The following BRWD3 variants were observed in gnomAD, a reference collection of about 807,000 sequenced individuals.
BRWD3 encodes bromodomain and WD repeat domain containing 3.
A neutral mutation model predicts 149.7 loss-of-function variants in BRWD3; 10 were observed. That is an observed-to-expected ratio of 0.07 (90% CI 0.04 to 0.11). The LOEUF is 0.11. Among genes scored for constraint, BRWD3 ranks in the 10% least tolerant of loss-of-function variants. BRWD3 has a pLI of 1.00. For synonymous variants in BRWD3, 504 were observed against 456.7 expected (o/e 1.10, Z -1.32); for missense variants, 940 against 1,373.2 (o/e 0.68, Z 4.99).
Position 80,809,311 on chromosome X carries a change from AAG to A in BRWD3, c.32-9_32-8del. On this transcript the variant is annotated splice_region_variant and splice_polypyrimidine_tract_variant and intron_variant, in intron 1 of 40. Transcript: ENST00000373275. ...GCGATCAGGTAATACAGCTCTGGGGAAGAGGGGGGAAAAGAGGTTCAGAGGGA... is the reference window on the plus strand; with the variant it reads ...GCGATCAGGTAATACAGCTCTGGGGAAGGGGGGAAAAGAGGTTCAGAGGGA... The A allele has an allele frequency of 1.7e-6, 2 of 1,189,127 alleles. No individual in the cohort carries two copies.
intron 6 of BRWD3, among the ~76,000 whole-genome samples, chrX:80,786,529 T>A (rs752447196): frequency 9.1e-6 from 1 of 110,031 alleles, no homozygotes; most frequent in African/African-American, 3.3e-5. Context: ...TATATATATA[T>A]ATATGGAGTC....
chrX:80,788,210 T>C (rs1047905962), intron 6 of BRWD3, among the ~76,000 whole-genome samples: 3 of 110,461 alleles, frequency 2.7e-5, no homozygotes, highest in Non-Finnish European at 3.8e-5. Context: ...AGGCAGGTGA[T>C]TGCTTCAGCC....
At chrX:80,682,832 G>C (rs763255761) in intron 37 of BRWD3, among the ~76,000 whole-genome samples, 2 of 110,993 alleles carry the variant, frequency 1.8e-5, no homozygotes, top group East Asian at 5.7e-4. Context: ...CTAAAAGGTA[G>C]GGAAAAAAAG....
At chrX:80,759,094 T>C (rs1254076466) in intron 6 of BRWD3, among the ~76,000 whole-genome samples, 1 of 112,004 alleles carries the variant, frequency 8.9e-6, no homozygotes, top group Admixed American at 9.5e-5. Flanking sequence ...TGTATTATTT[T>C]CCTTCATCAG....
chrX:80,739,823 T>C (rs762051473), intron 8 of BRWD3, among the ~76,000 whole-genome samples: 5 of 111,877 alleles, frequency 4.5e-5, no homozygotes, highest in Non-Finnish European at 9.4e-5. Flanking sequence ...TATACTATAA[T>C]AAAAGTTATA....
In BRWD3 at chrX:80,715,999, T is replaced by C. The variant is rs2073069493; in HGVS notation, c.2325+158A>G. 2.7e-5 allele frequency among the ~76,000 whole-genome samples: 3 copies of C among 111,971 alleles called. No individual in the cohort carries two copies. The South Asian group carries it at 1.1e-3, about 42-fold the overall frequency. On this transcript the variant is annotated intron_variant, in intron 20 of 40. Coordinates refer to ENST00000373275, the MANE Select transcript of BRWD3 (RefSeq NM_153252.5). ...CTTGTGACTTTGTTCTTATTAATAA[T>C]AATCATATATCTCAATTTGTGGCTC... is the stretch of plus-strand genomic sequence containing the variant.
At chrX:80,722,464 A>G in intron 17 of BRWD3, 98 bp downstream of exon 17, 5 of 775,110 alleles carry the variant, frequency 6.5e-6, no homozygotes, top group Non-Finnish European at 9.8e-6. Flanking sequence ...ATTATAACCT[A>G]CTCCAGAGTT....
rs1439998406 is a variant in BRWD3 at position 80,745,749 on chromosome X, A to C, written c.431-20T>G. ...TATTCACTGAAAAAAATACGAAATT[A>C]ACTTAAAACTTAAAAGTGAAACTGA... On this transcript the variant is annotated intron_variant, in intron 6 of 40. Transcript: ENST00000373275. The C allele has an allele frequency of 8.6e-7, 1 of 1,156,285 alleles. No individual in the cohort carries two copies. The highest frequency in any genetic ancestry group is 1.2e-6 in the Non-Finnish European group (1 of 855,306).
chrX:80,761,133 C>T (rs1400209269), intron 6 of BRWD3, among the ~76,000 whole-genome samples: 1 of 111,691 alleles, frequency 9.0e-6, no homozygotes, highest in East Asian at 2.8e-4. Flanking sequence ...AACAAAGATG[C>T]TTAATAACAA....
chrX:80,808,063 C>A (rs1319011463), intron 4 of BRWD3, among the ~76,000 whole-genome samples: 1 of 62,356 alleles, frequency 1.6e-5, no homozygotes, highest in African/African-American at 6.1e-5. Context: ...CTCCCCCCTG[C>A]CCCCCCGCCC....
rs761325598 is a variant in BRWD3 at position 80,734,976 on chromosome X, C to T, written c.985+151G>A. On this transcript the variant is annotated intron_variant, in intron 10 of 40. Coordinates refer to ENST00000373275, the MANE Select transcript of BRWD3 (RefSeq NM_153252.5). ...ATCAACCTTACACATTACTTAGAGT[C>T]CAAAAGAGTTTATCTATCATAACAC... 4 of 486,307 alleles carry T rather than the reference C, an allele frequency of 8.2e-6. No homozygotes were observed. The East Asian group carries it at 1.5e-4, about 18-fold the overall frequency. The allele number at this position is 486,307 out of a possible 1,213,427, so 40.1% of individuals were successfully genotyped here.
At chrX:80,806,161 G>C (rs1427861895) in intron 4 of BRWD3, among the ~76,000 whole-genome samples, 2 of 111,172 alleles carry the variant, frequency 1.8e-5, no homozygotes, top group South Asian at 3.7e-4. Flanking sequence ...TCCATAGGTA[G>C]AGAACAGACA....
At chrX:80,725,872 A>G (rs2073218853) in intron 14 of BRWD3, among the ~76,000 whole-genome samples, 1 of 108,422 alleles carries the variant, frequency 9.2e-6, no homozygotes, top group African/African-American at 3.4e-5. Context: ...TAACATGTTT[A>G]CATGTGTTAC....
In BRWD3 at chrX:80,723,769, T is replaced by C. The variant is rs889206811; in HGVS notation, c.1629A>G (p.Gly543=). 3 of 1,209,522 alleles carry C rather than the reference T, an allele frequency of 2.5e-6. No individual in the cohort carries two copies. The highest frequency in any genetic ancestry group is 4.4e-5 in the Admixed American group (2 of 45,771). The change falls in exon 16 of 41, where the codon GGA becomes GGG. Residue 543 remains glycine, a synonymous_variant. Coordinates refer to ENST00000373275, the MANE Select transcript of BRWD3 (RefSeq NM_153252.5). ...TAACCTTTTCGTAGTATTTACTGCATCCAAAACCAAAAAGCAGCAAATGTC... is the reference window on the plus strand; with the variant it reads ...TAACCTTTTCGTAGTATTTACTGCACCCAAAACCAAAAAGCAGCAAATGTC... ...SHGHLLLFGF[G]CSKYYEKIPD... is the part of the protein sequence containing the mutation.
chrX:80,805,160 C>T (rs1158109343), intron 4 of BRWD3, among the ~76,000 whole-genome samples: 1 of 111,340 alleles, frequency 9.0e-6, no homozygotes, highest in Non-Finnish European at 1.9e-5. Flanking sequence ...TTTCAGAAAA[C>T]AGAAGGCAAG....
intron 35 of BRWD3, among the ~76,000 whole-genome samples, chrX:80,686,637 T>C (rs896913106): frequency 9.0e-6 from 1 of 110,524 alleles, no homozygotes; most frequent in African/African-American, 3.3e-5. Context: ...GAACAGCAAA[T>C]GAATTCTGAT....
intron 6 of BRWD3, among the ~76,000 whole-genome samples, chrX:80,776,830 C>T (rs923230964): frequency 3.6e-5 from 4 of 111,247 alleles, no homozygotes; most frequent in African/African-American, 9.8e-5. Flanking sequence ...TAGTTAATTC[C>T]CACTTGTTCC....
intron 6 of BRWD3, among the ~76,000 whole-genome samples, chrX:80,779,250 GGTT>G (rs1440985029): frequency 9.0e-6 from 1 of 111,306 alleles, no homozygotes; most frequent in Non-Finnish European, 1.9e-5. Flanking sequence ...AGGAGGTGAA[GGTT>G]GCAGTGAGTC....
intron 6 of BRWD3, among the ~76,000 whole-genome samples, chrX:80,767,159 G>C (rs73227324): frequency 0.084 from 9,443 of 111,772 alleles, 377 homozygotes; most frequent in South Asian, 0.19. Flanking sequence ...CTTCTGCACA[G>C]GTAAACCTCC....
Sources: gnomAD v4.1 joint callset for allele counts (sites outside exome capture counted in the v4.1 genomes callset) on GRCh38, gnomAD v4.1.1 for gene constraint, MANE v1.5 for transcripts, NCBI Gene and HGNC (gene_info 2026-07-23, HGNC 2026-07-21) for gene names.